The following TBC1D22A variants were observed in gnomAD, a reference collection of about 807,000 sequenced individuals.
TBC1D22A encodes the protein putative GTPase activator.
In TBC1D22A, 38 loss-of-function variants were observed where a neutral mutation model predicts 60.2. That is an observed-to-expected ratio of 0.63 (90% confidence interval 0.49 to 0.83). TBC1D22A has a LOEUF of 0.83. Among genes scored for constraint, TBC1D22A ranks in the 40% least tolerant of loss-of-function variants. TBC1D22A has a pLI of 0.00. For missense variants in TBC1D22A, 628 were observed against 701.0 expected (o/e 0.90, Z 1.18); for synonymous variants, 302 against 281.7 (o/e 1.07, Z -0.72).
At chr22:46,884,676 A>G (rs1404802230) in intron 5 of TBC1D22A, among the ~76,000 whole-genome samples, 1 of 152,244 alleles carries the variant, frequency 6.6e-6, no homozygotes, top group East Asian at 1.9e-4. Context: ...GGGAATCTGT[A>G]TAAAGGAAAA....
At chr22:47,068,074 G>A (rs1170673988) in intron 11 of TBC1D22A, among the ~76,000 whole-genome samples, 1 of 152,286 alleles carries the variant, frequency 6.6e-6, no homozygotes, top group Non-Finnish European at 1.5e-5. Context: ...GGCAGGGAGA[G>A]CTGGGGAGAG....
intron 8 of TBC1D22A, among the ~76,000 whole-genome samples, chr22:46,960,816 G>A (rs540645348): frequency 9.8e-4 from 149 of 151,976 alleles, no homozygotes; most frequent in African/African-American, 3.4e-3. Context: ...GCGTGGTGGC[G>A]GGTGCCTGTA....
chr22:46,933,306 G>A (rs1381961060), intron 8 of TBC1D22A, among the ~76,000 whole-genome samples: 1 of 152,216 alleles, frequency 6.6e-6, no homozygotes, highest in East Asian at 1.9e-4. Flanking sequence ...TCAAGGTGAG[G>A]TGCAGGTCCT....
chr22:47,081,928 CG>C (rs1195435189), intron 11 of TBC1D22A, among the ~76,000 whole-genome samples: 3 of 152,118 alleles, frequency 2.0e-5, no homozygotes, highest in African/African-American at 7.2e-5. Context: ...GAGGCCGAGG[CG>C]GGTGGATCAC....
At chr22:47,170,341 T>C (rs1023917571) in intron 12 of TBC1D22A, among the ~76,000 whole-genome samples, 2 of 152,150 alleles carry the variant, frequency 1.3e-5, no homozygotes, top group African/African-American at 2.4e-5. Flanking sequence ...GTCATGATAA[T>C]ATGAAGCGAA....
chr22:46,889,724 A>G (rs559118888), intron 5 of TBC1D22A, among the ~76,000 whole-genome samples: 22 of 152,310 alleles, frequency 1.4e-4, no homozygotes, highest in African/African-American at 5.3e-4. Flanking sequence ...TGCTGAGTGA[A>G]GGAAAAGCTT....
At chr22:47,167,833 C>T (rs1306966435) in intron 12 of TBC1D22A, among the ~76,000 whole-genome samples, 1 of 152,194 alleles carries the variant, frequency 6.6e-6, no homozygotes, top group Non-Finnish European at 1.5e-5. Flanking sequence ...TGGAAGTTCT[C>T]ACTCCGGTCG....
intron 8 of TBC1D22A, chr22:46,913,812 G>GT: frequency 1.0e-6 from 1 of 966,540 alleles, no homozygotes. Flanking sequence ...AACTTCTGTT[G>GT]TAAGACCTAA....
In TBC1D22A at chr22:47,111,544, G is replaced by A. The variant is rs367838104; in HGVS notation, c.1366G>A (p.Val456Met). Residue 456 changes from valine to methionine, a missense_variant, in exon 12 of 13, where the codon GTG (valine) becomes ATG (methionine). By Grantham distance (21) the Val-to-Met change is conservative. Coordinates refer to ENST00000337137, the MANE Select transcript of TBC1D22A (RefSeq NM_014346.5). ...PDGFSHFHLYVCAAFLVRWRK... is the reference protein window; with the variant it reads ...PDGFSHFHLYMCAAFLVRWRK... ...CGGCTTTTCTCATTTCCACTTGTACGTGTGCGCTGCTTTTCTCGTGAGATG... is the reference window on the plus strand; with the variant it reads ...CGGCTTTTCTCATTTCCACTTGTACATGTGCGCTGCTTTTCTCGTGAGATG... The A allele has an allele frequency of 2.9e-5, 47 of 1,613,946 alleles. No homozygotes were observed. In the African/African-American group the frequency reaches 3.2e-4, roughly 11 times the overall value.
chr22:46,880,643 A>G (rs569540817), intron 5 of TBC1D22A, among the ~76,000 whole-genome samples: 5 of 152,202 alleles, frequency 3.3e-5, no homozygotes, highest in South Asian at 4.2e-4. Context: ...ACTGCATGCT[A>G]TAGGATGGAC....
At chr22:46,983,315 C>G (rs1053749987) in intron 9 of TBC1D22A, among the ~76,000 whole-genome samples, 7 of 152,170 alleles carry the variant, frequency 4.6e-5, no homozygotes, top group South Asian at 2.1e-4. Context: ...CCTTGAGCCT[C>G]CCATTTAAGC....
chr22:47,052,110 T>C (rs556165138), intron 11 of TBC1D22A, among the ~76,000 whole-genome samples: 2 of 152,306 alleles, frequency 1.3e-5, no homozygotes, highest in East Asian at 3.9e-4. Context: ...AGGTCCTCTG[T>C]CACTCTGAAC....
At chr22:47,096,412 C>G (rs184169653) in intron 11 of TBC1D22A, among the ~76,000 whole-genome samples, 1 of 152,224 alleles carries the variant, frequency 6.6e-6, no homozygotes, top group African/African-American at 2.4e-5. Context: ...TTGTCAGTCA[C>G]ATACCCACTA....
chr22:46,801,452 G>T (rs971650489), intron 4 of TBC1D22A, among the ~76,000 whole-genome samples: 1 of 152,220 alleles, frequency 6.6e-6, no homozygotes, highest in African/African-American at 2.4e-5. Flanking sequence ...TTTAGCTTAC[G>T]CTCTGTTATG....
chr22:46,989,759 T>TCACACACACACACACACACA (rs35714390), intron 9 of TBC1D22A, among the ~76,000 whole-genome samples: 180 of 146,154 alleles, frequency 1.2e-3, no homozygotes, highest in African/African-American at 4.2e-3. Flanking sequence ...TGTGACAGAG[T>TCACACACACACACACACACA]CACACACACA....
At chr22:47,044,784 G>T (rs1393569971) in intron 11 of TBC1D22A, among the ~76,000 whole-genome samples, 2 of 152,252 alleles carry the variant, frequency 1.3e-5, no homozygotes, top group Non-Finnish European at 2.9e-5. Flanking sequence ...TGACAGTGAA[G>T]TCAGTGTCCT....
intron 12 of TBC1D22A, among the ~76,000 whole-genome samples, chr22:47,153,497 T>G (rs1375818705): frequency 2.7e-5 from 4 of 145,950 alleles, no homozygotes; most frequent in South Asian, 2.2e-4. Context: ...CAGAAAGGCG[T>G]GAGAGAAGGG....
At position 47,069,794 on chromosome 22, in the gene TBC1D22A, A is replaced by C. The variant is rs61672667; in HGVS notation, c.1329+32596A>C. Reference sequence around the variant, plus strand: ...GTTCCCTATTGTTTGGTTGGAGCAGAGCTGACTTGACGGTTCCCGGCTGTT... The same window carrying C: ...GTTCCCTATTGTTTGGTTGGAGCAGCGCTGACTTGACGGTTCCCGGCTGTT... On this transcript the variant is annotated intron_variant, in intron 11 of 12. Transcript: ENST00000337137. Among the ~76,000 whole-genome samples the C allele has an allele frequency of 2.1e-5, 2 of 96,234 alleles. 1 individual carries two copies. The highest frequency in any genetic ancestry group is 9.2e-5 in the African/African-American group (2 of 21,792). 63.1% of individuals were successfully genotyped at this position (96,234 alleles called of 152,430 possible). A position where few individuals can be genotyped will look rare whatever the true frequency, so the allele number is the denominator to read the frequency against.
intron 8 of TBC1D22A, among the ~76,000 whole-genome samples, chr22:46,966,234 C>G (rs527353610): frequency 4.6e-5 from 7 of 152,300 alleles, no homozygotes; most frequent in Admixed American, 1.3e-4. Flanking sequence ...TCATGCTTTC[C>G]AGCCCGGTCG....
Sources: allele counts gnomAD v4.1 joint callset (sites outside exome capture counted in the v4.1 genomes callset), GRCh38; gene constraint gnomAD v4.1.1; transcripts MANE v1.5; gene names NCBI Gene and HGNC (gene_info 2026-07-23, HGNC 2026-07-21).